The following TMEM132D variants were observed in gnomAD, a reference collection of about 807,000 sequenced individuals.
TMEM132D encodes mature OL transmembrane protein.
A neutral mutation model predicts 62.3 loss-of-function variants in TMEM132D; 21 were observed. That is an observed-to-expected ratio of 0.34 (90% confidence interval 0.24 to 0.49). The LOEUF (loss-of-function observed/expected upper bound fraction) is 0.49. Among genes scored for constraint, TMEM132D ranks in the 20% least tolerant of loss-of-function variants. The pLI is 0.99. For synonymous variants in TMEM132D, 621 were observed against 575.6 expected (o/e 1.08, Z -1.13); for missense variants, 1,346 against 1,402.8 (o/e 0.96, Z 0.65).
At chr12:129,752,466 T>A (rs1870030883) in intron 1 of TMEM132D, among the ~76,000 whole-genome samples, 1 of 152,350 alleles carries the variant, frequency 6.6e-6, no homozygotes, top group South Asian at 2.1e-4. Context: ...CAGTGTAGAA[T>A]AAGTCATAAG....
intron 3 of TMEM132D, among the ~76,000 whole-genome samples, chr12:129,417,893 A>G (rs1872178146): frequency 6.6e-6 from 1 of 152,244 alleles, no homozygotes; most frequent in South Asian, 2.1e-4. Flanking sequence ...GGCAAAGGAT[A>G]TGAACAGACA....
At chr12:129,130,183 T>A (rs780637244) in intron 5 of TMEM132D, among the ~76,000 whole-genome samples, 2 of 151,986 alleles carry the variant, frequency 1.3e-5, no homozygotes, top group African/African-American at 2.4e-5. Flanking sequence ...CTCCAGGAGT[T>A]CTGCTGGAGG....
chr12:129,420,330 T>TTTTTTTTTAATTTTTTG (rs1872275539), intron 3 of TMEM132D, among the ~76,000 whole-genome samples: 1 of 121,046 alleles, frequency 8.3e-6, no homozygotes, highest in Non-Finnish European at 1.8e-5. Flanking sequence ...TTTTTTTTTT[T>TTTTTTTTTAATTTTTTG]GCAGTATCTG....
At position 129,903,387 on chromosome 12, in the gene TMEM132D, C is replaced by T. The variant is rs1472033057; in HGVS notation, c.-48G>A. The T allele has an allele frequency of 6.5e-7, 1 of 1,539,358 alleles. No individual in the cohort carries two copies. Among genetic ancestry groups the T allele is most frequent in the Non-Finnish European group, 8.8e-7 (1 of 1,136,590 alleles). On this transcript the variant is annotated 5_prime_UTR_variant, in exon 1 of 9. Coordinates refer to ENST00000422113, the MANE Select transcript of TMEM132D (RefSeq NM_133448.3). This position sits in a 1 kb window ranked among gnomAD's most constrained non-coding sequence, Gnocchi z 6.2. The stretch of plus-strand genomic sequence containing the variant: ...CCTCCGCTCCCCGGCGCCGTCCAGG[C>T]GAACAAGAGACCGTCTCAGTCCCCT...
At chr12:129,719,341 T>C (rs1200067261) in intron 1 of TMEM132D, among the ~76,000 whole-genome samples, 1 of 152,170 alleles carries the variant, frequency 6.6e-6, no homozygotes, top group African/African-American at 2.4e-5. Context: ...TGAAAATTGT[T>C]ACATCCAATT....
At chr12:129,582,791 T>G (rs1877911973) in intron 2 of TMEM132D, among the ~76,000 whole-genome samples, 1 of 152,048 alleles carries the variant, frequency 6.6e-6, no homozygotes, top group Non-Finnish European at 1.5e-5. Context: ...GCTAATTTCT[T>G]TTTTTGTATT....
intron 1 of TMEM132D, among the ~76,000 whole-genome samples, chr12:129,865,166 G>A (rs936361565): frequency 2.6e-5 from 4 of 152,200 alleles, no homozygotes; most frequent in South Asian, 4.1e-4. Flanking sequence ...GGGTGGAGGC[G>A]ACCTCTCTCA....
intron 2 of TMEM132D, among the ~76,000 whole-genome samples, chr12:129,598,244 T>C (rs571351301): frequency 6.6e-6 from 1 of 152,248 alleles, no homozygotes; most frequent in Non-Finnish European, 1.5e-5. Context: ...TATTTTTTTA[T>C]GAGCTATTGA....
rs1176697786 is a variant in TMEM132D at position 129,199,338 on chromosome 12, G to A, written c.1443+10182C>T. Among the ~76,000 whole-genome samples, 3 of 152,128 alleles carry A rather than the reference G, an allele frequency of 2.0e-5. No individual in the cohort carries two copies. In the East Asian group the frequency reaches 5.8e-4, roughly 29 times the overall value. On this transcript the variant is annotated intron_variant, in intron 5 of 8. Coordinates refer to ENST00000422113, the MANE Select transcript of TMEM132D (RefSeq NM_133448.3). ...GCTGGTCTCGAACTCCTGAGCTCAT[G>A]TGATCCACCCATCTTGGCCTCCCAA...
At chr12:129,850,617 T>A (rs1873508780) in intron 1 of TMEM132D, among the ~76,000 whole-genome samples, 1 of 152,180 alleles carries the variant, frequency 6.6e-6, no homozygotes. Flanking sequence ...ACAGGGTATT[T>A]TATACATATG....
chr12:129,767,049 G>T lies in TMEM132D; in HGVS notation c.80-66351C>A, dbSNP rs558933861. Among the ~76,000 whole-genome samples, 4 of 152,344 alleles carry T rather than the reference G, an allele frequency of 2.6e-5. No individual in the cohort carries two copies. The South Asian group carries it at 8.3e-4, about 32-fold the overall frequency. On this transcript the variant is annotated intron_variant, in intron 1 of 8. Coordinates refer to ENST00000422113, the MANE Select transcript of TMEM132D (RefSeq NM_133448.3). ...TGTACACTGCCCGTGGAGTAGCCCTGCTCTGCAGAAGCAGTCACAGAGCTG... is the reference window on the plus strand; with the variant it reads ...TGTACACTGCCCGTGGAGTAGCCCTTCTCTGCAGAAGCAGTCACAGAGCTG...
At chr12:129,510,653 TAGGGGTCTA>T (rs887128665) in intron 3 of TMEM132D, among the ~76,000 whole-genome samples, 2 of 152,222 alleles carry the variant, frequency 1.3e-5, no homozygotes, top group African/African-American at 4.8e-5. Context: ...TGGCAAGAGA[TAGGGGTCTA>T]GTTTCATTCT....
Position 129,185,761 on chromosome 12 carries a change from A to ATCTGTCTG in TMEM132D, c.1443+23751_1443+23758dup, listed in dbSNP as rs11271238. Among the ~76,000 whole-genome samples the ATCTGTCTG allele has an allele frequency of 7.9e-3, 1,109 of 140,856 alleles. 9 individuals carry two copies. Among genetic ancestry groups the ATCTGTCTG allele is most frequent in the African/African-American group, 0.024 (912 of 37,952 alleles). The allele number at this position is 140,856 out of a possible 152,430, so 92.4% of individuals were successfully genotyped here. Reference sequence around the variant, plus strand: ...TCTATCTGCCTGTCTTTTATCCATCATCTGTCTGTCTGTCTATCTATCTAT... The same window carrying ATCTGTCTG: ...TCTATCTGCCTGTCTTTTATCCATCATCTGTCTGTCTGTCTGTCTGTCTATCTATCTAT... On this transcript the variant is annotated intron_variant, in intron 5 of 8. Coordinates refer to ENST00000422113, the MANE Select transcript of TMEM132D (RefSeq NM_133448.3).
chr12:129,431,463 A>C (rs1872652619), intron 3 of TMEM132D, among the ~76,000 whole-genome samples: 1 of 152,104 alleles, frequency 6.6e-6, no homozygotes, highest in South Asian at 2.1e-4. Context: ...GCTTCTCCAG[A>C]ACTATGCACA....
At chr12:129,133,867 A>C (rs527910225) in intron 5 of TMEM132D, among the ~76,000 whole-genome samples, 4 of 152,206 alleles carry the variant, frequency 2.6e-5, no homozygotes, top group Non-Finnish European at 5.9e-5. Flanking sequence ...AAGTAGTGAA[A>C]ATAAGGAAAT....
chr12:129,274,888 A>G (rs1951621634), intron 4 of TMEM132D, among the ~76,000 whole-genome samples: 1 of 152,214 alleles, frequency 6.6e-6, no homozygotes, highest in East Asian at 1.9e-4. Flanking sequence ...CTCCGTCTCA[A>G]AAACAAAAAC....
At chr12:129,819,388 C>A (rs1324497833) in intron 1 of TMEM132D, among the ~76,000 whole-genome samples, 1 of 152,044 alleles carries the variant, frequency 6.6e-6, no homozygotes, top group African/African-American at 2.4e-5. Context: ...ATCGTAATAC[C>A]ATATACGATT....
chr12:129,236,525 A>AAG (rs1332552167), intron 4 of TMEM132D, among the ~76,000 whole-genome samples: 3 of 147,858 alleles, frequency 2.0e-5, no homozygotes, highest in Non-Finnish European at 4.4e-5. Flanking sequence ...AAAAAAAAAA[A>AAG]AAAAAAGAAA....
chr12:129,530,230 A>C (rs904352870), intron 3 of TMEM132D, among the ~76,000 whole-genome samples: 1 of 152,242 alleles, frequency 6.6e-6, no homozygotes, highest in Non-Finnish European at 1.5e-5. Flanking sequence ...TAAATAATAA[A>C]AAATAAGGAT....
Sources: gnomAD v4.1 joint callset for allele counts (sites outside exome capture counted in the v4.1 genomes callset) on GRCh38, gnomAD v4.1.1 for gene constraint, Gnocchi (gnomAD v3.1) non-coding constraint, MANE v1.5 for transcripts, NCBI Gene and HGNC (gene_info 2026-07-23, HGNC 2026-07-21) for gene names.